The following APEH variants were observed in gnomAD, a reference collection of about 807,000 sequenced individuals.
The protein encoded by APEH is acylamino-acid-releasing enzyme.
APEH carries 75 observed loss-of-function variants against 102.7 expected under a neutral mutation model. That is an observed-to-expected ratio of 0.73 (90% CI 0.61 to 0.89). APEH has a LOEUF of 0.89. Among genes scored for constraint, APEH ranks in the 40% least tolerant of loss-of-function variants. The pLI is 0.00. For missense variants in APEH, 863 were observed against 941.2 expected (o/e 0.92, Z 1.09); for synonymous variants, 344 against 362.7 (o/e 0.95, Z 0.59).
chr3:49,676,218 A>T lies in APEH; in HGVS notation c.605A>T (p.Lys202Met), dbSNP rs149050354. ...ARLKKPDQAI[K>M]GDQFVFYEDW... ...CTGAAGAAGCCAGACCAAGCCATCA[A>T]GGTGCTCGTGGTCAATCCACGAAGG... The change falls in exon 6 of 22, where the codon AAG becomes ATG. Residue 202 changes from lysine (K) to methionine (M), a missense_variant and splice_region_variant. Transcript: ENST00000296456. 1 of 1,613,734 alleles carries T rather than the reference A, an allele frequency of 6.2e-7. No homozygotes were observed. The highest frequency in any genetic ancestry group is 1.7e-5 in the Admixed American group (1 of 60,014).
Position 49,675,318 on chromosome 3 carries a change from G to A in APEH, c.272+9G>A, listed in dbSNP as rs1229149646. ...GTGGAGACCCGGGGGGAGTAAGTTT[G>A]AGGGAGGAAGCTTGTGGGCAAGGCC... On this transcript the variant is annotated intron_variant, in intron 3 of 21. Transcript: ENST00000296456. 3.1e-6 allele frequency: 5 copies of A among 1,613,258 alleles called. No homozygotes were observed. Among genetic ancestry groups the A allele is most frequent in the Non-Finnish European group, 3.4e-6 (4 of 1,179,740 alleles).
At chr3:49,680,342 A>G in intron 13 of APEH, 199 bp from the exon 14 acceptor site, 1 of 562,490 alleles carries the variant, frequency 1.8e-6, no homozygotes, top group Non-Finnish European at 3.2e-6. Flanking sequence ...CAGCCCAGCC[A>G]GTGTCTGTCA....
At chr3:49,680,966 A>G in intron 14 of APEH, 135 bp from the exon 15 acceptor site, 1 of 1,169,860 alleles carries the variant, frequency 8.5e-7, no homozygotes, top group Non-Finnish European at 1.2e-6. Flanking sequence ...ATCCCACAAC[A>G]GGAAGCCATG....
In APEH at chr3:49,681,770, A is replaced by T; in HGVS notation, c.1487A>T (p.Asp496Val). Residue 496 changes from aspartate to valine, a missense_variant, in exon 16 of 22, where the codon GAT (aspartate) becomes GTT (valine). Asp to Val is a radical substitution (Grantham distance 152). Coordinates refer to ENST00000296456, the MANE Select transcript of APEH (RefSeq NM_001640.4). Reference protein sequence around the residue: ...AILLQPGSPPDKTQVPMVVMP... With the variant: ...AILLQPGSPPVKTQVPMVVMP... ...CTGCTGCAGCCTGGCAGCCCTCCAG[A>T]TAAGACCCAAGTGCCCATGGTGGTC... 6.2e-7 allele frequency: 1 copy of T among 1,609,996 alleles called. No homozygotes were observed. The highest frequency in any genetic ancestry group is 2.2e-5 in the East Asian group (1 of 44,848).
chr3:49,676,238 C>T lies in APEH; in HGVS notation c.606+19C>T, dbSNP rs374439004. The stretch of plus-strand genomic sequence containing the variant: ...CATCAAGGTGCTCGTGGTCAATCCA[C>T]GAAGGCCCGGCAGGGCAGCCCTGGG... On this transcript the variant is annotated intron_variant, in intron 6 of 21. Transcript: ENST00000296456. 23 of 1,612,646 alleles carry T rather than the reference C, an allele frequency of 1.4e-5. No homozygotes were observed. The highest frequency in any genetic ancestry group is 6.7e-5 in the East Asian group (3 of 44,878).
In APEH at chr3:49,682,667, G is replaced by C. The variant is rs374100556; in HGVS notation, c.1814G>C (p.Arg605Thr). The C allele has an allele frequency of 6.2e-7, 1 of 1,613,892 alleles. No homozygotes were observed. Among genetic ancestry groups the C allele is most frequent in the Non-Finnish European group, 8.5e-7 (1 of 1,180,024 alleles). The part of the protein sequence containing the change: ...HLIGQYPETY[R>T]ACVARNPVIN... Reference sequence around the variant, plus strand: ...ATTGGTCAGTACCCAGAGACCTACAGGGCCTGCGTGGCCCGGAACCCCGTG... The same window carrying C: ...ATTGGTCAGTACCCAGAGACCTACACGGCCTGCGTGGCCCGGAACCCCGTG... Residue 605 changes from arginine (R) to threonine (T), a missense_variant, in exon 19 of 22, where the codon AGG becomes ACG. Arg to Thr is a moderately conservative substitution (Grantham distance 71). Coordinates refer to ENST00000296456, the MANE Select transcript of APEH (RefSeq NM_001640.4).
intron 3 of APEH, 190 bp from the exon 4 acceptor site, chr3:49,675,504 A>G (rs2052988185): frequency 4.0e-6 from 4 of 995,916 alleles, no homozygotes; most frequent in Non-Finnish European, 3.0e-6. Context: ...ACTAGAGCCC[A>G]TGGTGGCCTG....
chr3:49,674,456 G>T (rs376133532), intron 1 of APEH, 33 bp from the exon 2 acceptor site: 4 of 1,570,364 alleles, frequency 2.5e-6, no homozygotes, highest in Non-Finnish European at 3.4e-6. Flanking sequence ...TGCAGCCCGG[G>T]CCGGGCCTGA....
rs371654489 is a variant in APEH, at chr3:49,676,767, G to A, written c.837-10G>A. ...GGCCTTGAGACTGAGTGTCTGTCTCGTGGTTCCAGGTCAGCCCTGTATTAT... is the reference window on the plus strand; with the variant it reads ...GGCCTTGAGACTGAGTGTCTGTCTCATGGTTCCAGGTCAGCCCTGTATTAT... On this transcript the variant is annotated splice_polypyrimidine_tract_variant and intron_variant, in intron 8 of 21. Coordinates refer to ENST00000296456, the MANE Select transcript of APEH (RefSeq NM_001640.4). The A allele has an allele frequency of 4.3e-5, 69 of 1,614,140 alleles. No homozygotes were observed. The highest frequency in any genetic ancestry group is 5.3e-5 in the Non-Finnish European group (63 of 1,180,050).
At chr3:49,680,267 G>A in intron 13 of APEH, 1 of 430,002 alleles carries the variant, frequency 2.3e-6, no homozygotes, top group Admixed American at 3.5e-5. Flanking sequence ...CCTGCACACA[G>A]CAGCCATCGA....
In APEH at chr3:49,681,969, TG is replaced by T. The variant is rs2053340223; in HGVS notation, c.1603+3del. The T allele has an allele frequency of 6.2e-7, 1 of 1,612,758 alleles. No homozygotes were observed. Among genetic ancestry groups the T allele is most frequent in the African/African-American group, 1.3e-5 (1 of 74,900 alleles). On this transcript the variant is annotated splice_donor_region_variant and intron_variant, in intron 17 of 21. Transcript: ENST00000296456. ...AGATGGGCTTTGCGGTACTACTAGG[TG>T]AGTGAGCAGGGACCCACAGTTCTGT...
chr3:49,677,153 GGT>G lies in APEH; in HGVS notation c.999+133_999+134del, dbSNP rs978241164. 3.7e-6 allele frequency: 5 copies of G among 1,346,134 alleles called. No homozygotes were observed. The African/African-American group carries it at 7.2e-5, about 19-fold the overall frequency. 83.4% of individuals were successfully genotyped at this position (1,346,134 alleles called of 1,614,324 possible). On this transcript the variant is annotated intron_variant, in intron 10 of 21. Coordinates refer to ENST00000296456, the MANE Select transcript of APEH (RefSeq NM_001640.4). ...GCCCTTCTGTCCTCAATGCAGCAGC[GGT>G]GTGAGTTCTGCCTGTCCTCTCAAGG...
At chr3:49,673,795 CCTCACCCTCACGCTCACG>C (rs796924959), upstream of APEH, among the ~76,000 whole-genome samples, 47 of 137,076 alleles carry the variant, frequency 3.4e-4, no homozygotes, top group South Asian at 9.9e-3. Context: ...CCCGCCCAAC[CCTCACCCTCACGCTCACG>C]CTCACGCTCA....
intron 15 of APEH, 44 bp downstream of exon 15, chr3:49,681,283 C>T (rs1553676267): frequency 1.3e-6 from 2 of 1,503,004 alleles, no homozygotes; most frequent in South Asian, 1.3e-5. Context: ...CCAGGTTCCC[C>T]AGCACAAAGC....
Position 49,679,948 on chromosome 3 carries a change from T to C in APEH, c.1210+304T>C, listed in dbSNP as rs2053243126. The stretch of plus-strand genomic sequence containing the variant: ...CTAAAACCCACAAAACTCTCTCTTA[T>C]CAAGATCTGCCAGACTCATCCTTCT... On this transcript the variant is annotated intron_variant, in intron 13 of 21. Coordinates refer to ENST00000296456, the MANE Select transcript of APEH (RefSeq NM_001640.4). The surrounding 1 kb of genome is among the most constrained non-coding windows in gnomAD (Gnocchi z 4.3). 1 of 320,822 alleles carries C rather than the reference T, an allele frequency of 3.1e-6. No homozygotes were observed. Among genetic ancestry groups the C allele is most frequent in the Non-Finnish European group, 6.1e-6 (1 of 165,154 alleles). The allele number at this position is 320,822 out of a possible 1,614,324, so 19.9% of individuals were successfully genotyped here.
chr3:49,678,457 T>C (rs2053168647), intron 11 of APEH, among the ~76,000 whole-genome samples: 1 of 152,208 alleles, frequency 6.6e-6, no homozygotes, highest in Non-Finnish European at 1.5e-5. Context: ...TAGGATTTAC[T>C]GAGCCCCCTG....
intron 13 of APEH, 39 bp from the exon 14 acceptor site, chr3:49,680,502 G>A: frequency 6.4e-7 from 1 of 1,554,712 alleles, no homozygotes; most frequent in South Asian, 1.1e-5. Context: ...GAAAGGTGAT[G>A]GCTCCTGCTA....
intron 11 of APEH, 42 bp downstream of exon 11, chr3:49,677,675 C>T (rs2053127733): frequency 1.3e-6 from 2 of 1,545,180 alleles, no homozygotes; most frequent in African/African-American, 1.4e-5. Context: ...GGGCCTGTAG[C>T]TCTGCTTTCC....
rs760857017 is a variant in APEH, at chr3:49,676,634, G to C, written c.770G>C (p.Gly257Ala). Residue 257 changes from glycine to alanine, a missense_variant, in exon 8 of 22, where the codon GGT becomes GCT. By Grantham distance (60) the Gly-to-Ala change is moderately conservative. Coordinates refer to ENST00000296456, the MANE Select transcript of APEH (RefSeq NM_001640.4). ...GQAFWAPGDAGVVFVGWWHEP... is the reference protein window; with the variant it reads ...GQAFWAPGDAAVVFVGWWHEP... ...GCATTTTGGGCCCCTGGAGATGCTGGTGTGGTGTTTGTGGGCTGGTGGCAT... is the reference window on the plus strand; with the variant it reads ...GCATTTTGGGCCCCTGGAGATGCTGCTGTGGTGTTTGTGGGCTGGTGGCAT... 22 of 1,614,160 alleles carry C rather than the reference G, an allele frequency of 1.4e-5. No individual in the cohort carries two copies. The highest frequency in any genetic ancestry group is 1.6e-5 in the Non-Finnish European group (19 of 1,180,060).
Sources: gnomAD v4.1 joint callset for allele counts (sites outside exome capture counted in the v4.1 genomes callset) on GRCh38, gnomAD v4.1.1 for gene constraint, Gnocchi (gnomAD v3.1) non-coding constraint, MANE v1.5 for transcripts, NCBI Gene and HGNC (gene_info 2026-07-23, HGNC 2026-07-21) for gene names.